The following FGD4 variants were observed in gnomAD, a reference collection of about 807,000 sequenced individuals.
The protein encoded by FGD4 is FYVE, RhoGEF and PH domain containing 4.
In FGD4, 42 loss-of-function variants were observed where a neutral mutation model predicts 102.0. That is an observed-to-expected ratio of 0.41 (90% CI 0.32 to 0.53). The LOEUF (loss-of-function observed/expected upper bound fraction) is 0.53. Ranked by LOEUF, FGD4 falls within the 20% of genes least tolerant of loss-of-function variation. The pLI is 0.21. For missense variants in FGD4, 902 were observed against 1,078.2 expected (o/e 0.84, Z 2.29); for synonymous variants, 380 against 375.7 (o/e 1.01, Z -0.13).
chr12:32,436,530 GA>G (rs1357883884), intron 1 of FGD4, among the ~76,000 whole-genome samples: 1 of 152,230 alleles, frequency 6.6e-6, no homozygotes, highest in Non-Finnish European at 1.5e-5. Context: ...GGAGCCAGCA[GA>G]ATGCCAAAGC....
intron 4 of FGD4, chr12:32,582,853 G>A (rs957995180): frequency 5.1e-6 from 1 of 196,908 alleles, no homozygotes; most frequent in East Asian, 1.3e-4. Flanking sequence ...TTGTTCAGAA[G>A]TTTCTAATAG....
At chr12:32,578,207 G>A (rs990982511) in intron 3 of FGD4, among the ~76,000 whole-genome samples, 3 of 152,054 alleles carry the variant, frequency 2.0e-5, no homozygotes, top group African/African-American at 7.2e-5. Flanking sequence ...GTCTGGTGAA[G>A]AAATATTATT....
At chr12:32,610,729 A>G in intron 8 of FGD4, 47 bp from the exon 9 acceptor site, 1 of 1,551,838 alleles carries the variant, frequency 6.4e-7, no homozygotes, top group Non-Finnish European at 8.8e-7. Context: ...ATAGAAGCAC[A>G]GGAAGGACAA....
At chr12:32,585,254 A>ATATATATATATATATG (rs1555210534) in intron 4 of FGD4, among the ~76,000 whole-genome samples, 3 of 135,822 alleles carry the variant, frequency 2.2e-5, no homozygotes, top group Non-Finnish European at 3.2e-5. Flanking sequence ...ATATATATAT[A>ATATATATATATATATG]TATGTATATC....
rs190851581 is a variant in FGD4 at position 32,544,856 on chromosome 12, T to C, written c.167-19281T>C. Reference sequence around the variant, plus strand: ...TATAAATACTATTTTGATCCAAGCCTGTTAATAACACTAAGCATGGTGACT... The same window carrying C: ...TATAAATACTATTTTGATCCAAGCCCGTTAATAACACTAAGCATGGTGACT... On this transcript the variant is annotated intron_variant, in intron 1 of 16. Coordinates refer to ENST00000534526, the MANE Select transcript of FGD4 (RefSeq NM_001370298.3). This position sits in a 1 kb window ranked among gnomAD's most constrained non-coding sequence, Gnocchi z 4.1. Among the ~76,000 whole-genome samples the C allele has an allele frequency of 1.3e-5, 2 of 152,358 alleles. No individual in the cohort carries two copies. The highest frequency in any genetic ancestry group is 1.3e-4 in the Admixed American group (2 of 15,302).
rs1175402397 is a variant in FGD4, at chr12:32,641,452, G to C, written c.*919G>C. ...AAGGTGCTATTAATATAAGATGAGG[G>C]TTCAGTTAATGCTTCAGTCTTGATT... On this transcript the variant is annotated 3_prime_UTR_variant, in exon 17 of 17. Coordinates refer to ENST00000534526, the MANE Select transcript of FGD4 (RefSeq NM_001370298.3). 1 of 152,096 alleles carries C rather than the reference G, an allele frequency of 6.6e-6. No homozygotes were observed. Among genetic ancestry groups the C allele is most frequent in the Non-Finnish European group, 1.5e-5 (1 of 68,002 alleles). 9.4% of individuals were successfully genotyped at this position (152,096 alleles called of 1,614,324 possible).
intron 3 of FGD4, among the ~76,000 whole-genome samples, chr12:32,577,128 C>G (rs911787148): frequency 1.3e-5 from 2 of 152,026 alleles, no homozygotes; most frequent in African/African-American, 4.8e-5. Context: ...TAAAGATAAA[C>G]AGAACCCACA....
chr12:32,603,632 G>T (rs1948575549), intron 7 of FGD4, among the ~76,000 whole-genome samples: 2 of 151,914 alleles, frequency 1.3e-5, no homozygotes, highest in South Asian at 4.2e-4. Flanking sequence ...TGATCTGCCT[G>T]CCTCGGCCTC....
At chr12:32,503,818 T>C (rs1285182253) in intron 1 of FGD4, among the ~76,000 whole-genome samples, 4 of 152,152 alleles carry the variant, frequency 2.6e-5, no homozygotes, top group Admixed American at 6.5e-5. Context: ...GGGAGGAAAA[T>C]AGGTAATTTG....
chr12:32,466,966 C>T (rs929189507), intron 1 of FGD4, among the ~76,000 whole-genome samples: 5 of 151,934 alleles, frequency 3.3e-5, no homozygotes, highest in African/African-American at 1.2e-4. Flanking sequence ...CACCACCCTA[C>T]TCCCAGAGCT....
At chr12:32,419,271 G>A (rs1941540783) in intron 1 of FGD4, among the ~76,000 whole-genome samples, 1 of 152,142 alleles carries the variant, frequency 6.6e-6, no homozygotes, top group South Asian at 2.1e-4. Context: ...GTCTTTCACT[G>A]TAGCCCTCAC....
intron 1 of FGD4, among the ~76,000 whole-genome samples, chr12:32,438,092 G>A (rs1307886724): frequency 1.3e-5 from 2 of 152,190 alleles, no homozygotes; most frequent in Middle Eastern, 3.2e-3. Context: ...GGGTTTCGCT[G>A]TGTTGGCCAG....
intron 1 of FGD4, among the ~76,000 whole-genome samples, chr12:32,552,880 C>T (rs1943803088): frequency 6.6e-6 from 1 of 150,836 alleles, no homozygotes. Context: ...TGGGTTCAAG[C>T]GATTCTCCTA....
At chr12:32,555,819 C>T (rs2136220521) in intron 1 of FGD4, among the ~76,000 whole-genome samples, 1 of 152,082 alleles carries the variant, frequency 6.6e-6, no homozygotes, top group African/African-American at 2.4e-5. Context: ...ATTCACCTGC[C>T]TCAGCCTCCC....
chr12:32,451,799 A>C (rs1942783243), intron 1 of FGD4, among the ~76,000 whole-genome samples: 1 of 123,884 alleles, frequency 8.1e-6, no homozygotes, highest in African/African-American at 3.1e-5. Context: ...ACTCCATTGC[A>C]CTCCAGCCTG....
intron 10 of FGD4, among the ~76,000 whole-genome samples, chr12:32,613,340 G>A (rs1215325176): frequency 2.6e-5 from 4 of 152,212 alleles, no homozygotes; most frequent in Admixed American, 6.5e-5. Flanking sequence ...CATGGAAAAT[G>A]CATGTTATGA....
chr12:32,526,880 A>G (rs1262647896), intron 1 of FGD4, among the ~76,000 whole-genome samples: 2 of 152,202 alleles, frequency 1.3e-5, no homozygotes, highest in Non-Finnish European at 2.9e-5. Context: ...AGTCAGTGAG[A>G]CCAAGAACCC....
chr12:32,600,148 C>G (rs1449813431), intron 5 of FGD4, among the ~76,000 whole-genome samples: 1 of 152,198 alleles, frequency 6.6e-6, no homozygotes, highest in African/African-American at 2.4e-5. Flanking sequence ...GAAGGAATTT[C>G]ACCATAAGCC....
Position 32,640,490 on chromosome 12 carries a change from C to T in FGD4, c.2669C>T (p.Thr890Ile). ...GGTGGTCCAAATGAGCATCCAGCCA[C>T]CTTGGATGATCATCCTGAACCTAAG... ...TPGGPNEHPATLDDHPEPKKK... is the reference protein window; with the variant it reads ...TPGGPNEHPAILDDHPEPKKK... Residue 890 changes from threonine (T) to isoleucine (I), a missense_variant, in exon 17 of 17, where the codon ACC becomes ATC. Around this residue, in one of 2 missense-constraint regions of FGD4, gnomAD observed 459 missense variants for 619.0 expected, o/e 0.74. Transcript: ENST00000534526. 2 of 1,614,116 alleles carry T rather than the reference C, an allele frequency of 1.2e-6. No homozygotes were observed. The highest frequency in any genetic ancestry group is 1.7e-6 in the Non-Finnish European group (2 of 1,180,022).
Sources: gnomAD v4.1 joint callset for allele counts (sites outside exome capture counted in the v4.1 genomes callset) on GRCh38, gnomAD v4.1.1 for gene constraint, gnomAD v4.1.1 regional missense constraint, Gnocchi (gnomAD v3.1) non-coding constraint, MANE v1.5 for transcripts, NCBI Gene and HGNC (gene_info 2026-07-23, HGNC 2026-07-21) for gene names.